ZNF362: variants seen among roughly 807,000 people sequenced by gnomAD.
ZNF362 encodes the protein rotund homolog.
ZNF362 carries 11 observed loss-of-function variants against 42.9 expected under a neutral mutation model. The observed-to-expected ratio is 0.26, with a 90% CI of 0.16 to 0.42. The LOEUF (loss-of-function observed/expected upper bound fraction) is 0.42, where lower values mean the gene tolerates loss of function less well. Ranked by LOEUF, ZNF362 falls within the 20% of genes least tolerant of loss-of-function variation. The pLI, the probability that ZNF362 is intolerant of heterozygous loss-of-function variation, is 1.00. For missense variants in ZNF362, 362 were observed against 576.2 expected (o/e 0.63, Z 3.81); for synonymous variants, 255 against 257.3 (o/e 0.99, Z 0.09).
Position 33,280,578 on chromosome 1 carries a change from G to A in ZNF362, c.683+121G>A. On this transcript the variant is annotated intron_variant, in intron 5 of 8. Transcript: ENST00000539719. This position sits in a 1 kb window ranked among gnomAD's most constrained non-coding sequence, Gnocchi z 5.6. ...CCTTAGGGCTGAGGGGCAGGGCTAG[G>A]GTCCAGAGGGGCGGGGCCTTCTGGA... 3 of 1,439,394 alleles carry A rather than the reference G, an allele frequency of 2.1e-6. No homozygotes were observed. Among genetic ancestry groups the A allele is most frequent in the Non-Finnish European group, 2.7e-6 (3 of 1,093,874 alleles). The allele number at this position is 1,439,394 out of a possible 1,614,324, so 89.2% of individuals were successfully genotyped here.
intron 1 of ZNF362, among the ~76,000 whole-genome samples, chr1:33,264,273 C>T (rs1645849214): frequency 6.6e-6 from 1 of 152,020 alleles, no homozygotes; most frequent in South Asian, 2.1e-4. Context: ...CCCTGTGGGT[C>T]CTGAAGGCCA....
chr1:33,176,594 G>A, the ZNF362 span: 604 of 523,076 alleles, frequency 1.2e-3, 1 homozygote, highest in Non-Finnish European at 1.7e-3. Context: ...CCAAGATGAC[G>A]TCCCAACCAC....
chr1:33,214,831 A>G, the ZNF362 span, among the ~76,000 whole-genome samples: 4 of 152,236 alleles, frequency 2.6e-5, no homozygotes, highest in African/African-American at 9.6e-5. Context: ...GCTTTCACTC[A>G]AAAGACAGGC....
At chr1:33,238,712 T>G in the ZNF362 span, among the ~76,000 whole-genome samples, 1 of 152,074 alleles carries the variant, frequency 6.6e-6, no homozygotes, top group Admixed American at 6.5e-5. Context: ...TAAGGTTAAA[T>G]GAGGTCATAA....
chr1:33,188,980 CT>C, the ZNF362 span, among the ~76,000 whole-genome samples: 1 of 152,218 alleles, frequency 6.6e-6, no homozygotes, highest in Non-Finnish European at 1.5e-5. Context: ...CAGTCTTGCT[CT>C]TCACGAGTCC....
chr1:33,189,602 C>T, the ZNF362 span, among the ~76,000 whole-genome samples: 4 of 141,336 alleles, frequency 2.8e-5, no homozygotes, highest in African/African-American at 1.1e-4. Context: ...TTGTGTAGTG[C>T]TGGGGCTGGG....
chr1:33,243,689 C>T, the ZNF362 span, among the ~76,000 whole-genome samples: 1 of 151,768 alleles, frequency 6.6e-6, no homozygotes, highest in East Asian at 1.9e-4. Context: ...CTCCGCCTCC[C>T]AGGTTCATGC....
intron 8 of ZNF362, among the ~76,000 whole-genome samples, chr1:33,298,194 C>A (rs1289274996): frequency 6.6e-6 from 1 of 152,132 alleles, no homozygotes; most frequent in Admixed American, 6.5e-5. Context: ...TCAGATCCAG[C>A]AGAGCCAGTG....
chr1:33,238,891 G>A, the ZNF362 span, among the ~76,000 whole-genome samples: 5 of 152,136 alleles, frequency 3.3e-5, no homozygotes, highest in Admixed American at 2.0e-4. Flanking sequence ...CACCAGAACC[G>A]GACCATGCAG....
the ZNF362 span, among the ~76,000 whole-genome samples, chr1:33,219,358 C>A: frequency 2.6e-5 from 4 of 152,300 alleles, no homozygotes; most frequent in Admixed American, 2.6e-4. Context: ...CATTCATCGG[C>A]GGACCAGAGA....
rs1452577967 is a variant in ZNF362, at chr1:33,281,207, T to A, written c.684-380T>A. On this transcript the variant is annotated intron_variant, in intron 5 of 8. Transcript: ENST00000539719. This position sits in a 1 kb window ranked among gnomAD's most constrained non-coding sequence, Gnocchi z 4.8. ...GAAAGTATGGAGGGTGGGGCAGGCG[T>A]TGGTATTTCTTAGACGCTCCCCAGA... 6.6e-6 allele frequency among the ~76,000 whole-genome samples: 1 copy of A among 152,124 alleles called. No individual in the cohort carries two copies.
chr1:33,246,006 T>C, the ZNF362 span, among the ~76,000 whole-genome samples: 2 of 152,090 alleles, frequency 1.3e-5, no homozygotes, highest in Non-Finnish European at 2.9e-5. Flanking sequence ...ATCAGAGTTA[T>C]GCACCCACCA....
At chr1:33,144,135 C>CTTT in the ZNF362 span, among the ~76,000 whole-genome samples, 220 of 146,482 alleles carry the variant, frequency 1.5e-3, 3 homozygotes, top group Middle Eastern at 3.6e-3. Context: ...AATGTTACTT[C>CTTT]TTTTTTTTTT....
the ZNF362 span, among the ~76,000 whole-genome samples, chr1:33,144,228 C>T: frequency 6.6e-6 from 1 of 152,078 alleles, no homozygotes; most frequent in Non-Finnish European, 1.5e-5. Flanking sequence ...ACCTCCGCCT[C>T]CCGGGTTCAA....
At chr1:33,256,693 C>G (rs1297800759) in intron 1 of ZNF362, 39 bp downstream of exon 1, 1 of 144,662 alleles carries the variant, frequency 6.9e-6, no homozygotes, top group Non-Finnish European at 1.5e-5. Flanking sequence ...GCGGGCCCAG[C>G]GGCGGCGGGC....
At position 33,300,529 on chromosome 1, in the gene ZNF362, G is replaced by C. The variant is rs993418933; in HGVS notation, c.*1483G>C. On this transcript the variant is annotated 3_prime_UTR_variant, in exon 9 of 9. Transcript: ENST00000539719. Reference sequence around the variant, plus strand: ...CTTCTCAGTCTGCATCTTGGAGGCAGGGAGGTGAGGGCAGGTGCCCCTCAG... The same window carrying C: ...CTTCTCAGTCTGCATCTTGGAGGCACGGAGGTGAGGGCAGGTGCCCCTCAG... 2 of 152,222 alleles carry C rather than the reference G, an allele frequency of 1.3e-5. No individual in the cohort carries two copies. The highest frequency in any genetic ancestry group is 6.5e-5 in the Admixed American group (1 of 15,276). 9.4% of individuals were successfully genotyped at this position (152,222 alleles called of 1,614,324 possible).
intron 4 of ZNF362, among the ~76,000 whole-genome samples, chr1:33,276,916 C>T (rs1436691968): frequency 6.6e-6 from 1 of 152,238 alleles, no homozygotes; most frequent in Non-Finnish European, 1.5e-5. Flanking sequence ...ATCCAGAGAA[C>T]GACCCTGACC....
At chr1:33,267,459 C>T (rs1645872397) in intron 1 of ZNF362, among the ~76,000 whole-genome samples, 1 of 152,152 alleles carries the variant, frequency 6.6e-6, no homozygotes, top group African/African-American at 2.4e-5. Context: ...AAAATCTTCC[C>T]ATTTCCCCCC....
At chr1:33,175,398 T>C in the ZNF362 span, among the ~76,000 whole-genome samples, 23 of 152,240 alleles carry the variant, frequency 1.5e-4, no homozygotes, top group African/African-American at 5.3e-4. Context: ...CAAATCTGCC[T>C]CATCCCTCTG....
Sources: allele counts gnomAD v4.1 joint callset (sites outside exome capture counted in the v4.1 genomes callset), GRCh38; gene constraint gnomAD v4.1.1; non-coding constraint Gnocchi (gnomAD v3.1); transcripts MANE v1.5; gene names NCBI Gene and HGNC (gene_info 2026-07-23, HGNC 2026-07-21).